Variants in CSGALNACT1 observed in about 807,000 individuals in gnomAD.
The protein encoded by CSGALNACT1 is beta4GalNAcT-1.
CSGALNACT1 carries 52 observed loss-of-function variants against 51.0 expected under a neutral mutation model. The ratio of observed to expected loss-of-function variants is 1.02; its 90% CI spans 0.82 to 1.29. The LOEUF (loss-of-function observed/expected upper bound fraction) is 1.29, where lower values mean the gene tolerates loss of function less well. Among genes scored for constraint, CSGALNACT1 ranks in the 50% most tolerant of loss-of-function variants. The probability of loss-of-function intolerance (pLI) is 0.00; values close to 1 mark genes in which losing one functional copy is unlikely to be tolerated. For missense variants in CSGALNACT1, 935 were observed against 679.2 expected, an observed-to-expected ratio of 1.38 and a Z score of -4.19; for synonymous variants, 341 against 254.4, an observed-to-expected ratio of 1.34 and a Z score of -3.24.
intron 6 of CSGALNACT1, among the ~76,000 whole-genome samples, chr8:19,424,388 A>G (rs80310892): frequency 0.015 from 2,341 of 152,180 alleles, 53 homozygotes; most frequent in African/African-American, 0.054. Flanking sequence ...CTTTTTTCCA[A>G]TAAACCAGTG....
At chr8:19,568,089 T>C (rs1229526449) in intron 3 of CSGALNACT1, among the ~76,000 whole-genome samples, 1 of 152,178 alleles carries the variant, frequency 6.6e-6, no homozygotes, top group Non-Finnish European at 1.5e-5. Flanking sequence ...CATTGGTTTT[T>C]GCAATGTAGA....
At chr8:19,674,349 G>A (rs1414935237) in intron 1 of CSGALNACT1, among the ~76,000 whole-genome samples, 1 of 152,106 alleles carries the variant, frequency 6.6e-6, no homozygotes, top group African/African-American at 2.4e-5. Flanking sequence ...CACAATAAGA[G>A]GGGATCAAGA....
At chr8:19,571,716 A>G (rs768101170) in intron 3 of CSGALNACT1, among the ~76,000 whole-genome samples, 3 of 152,222 alleles carry the variant, frequency 2.0e-5, no homozygotes, top group Admixed American at 6.5e-5. Context: ...AGCCCACTGA[A>G]AAATGGCCTC....
intron 6 of CSGALNACT1, among the ~76,000 whole-genome samples, chr8:19,422,754 C>T (rs1218539580): frequency 1.1e-4 from 17 of 152,194 alleles, no homozygotes; most frequent in Admixed American, 1.1e-3. Context: ...GAGGTGTCTG[C>T]AGCCCCAGCT....
chr8:19,608,324 A>G (rs2051695188), intron 1 of CSGALNACT1, among the ~76,000 whole-genome samples: 1 of 152,136 alleles, frequency 6.6e-6, no homozygotes, highest in African/African-American at 2.4e-5. Flanking sequence ...CAACACAACA[A>G]TGGAAGTAGC....
chr8:19,662,210 C>G (rs1391328083), intron 1 of CSGALNACT1, among the ~76,000 whole-genome samples: 4 of 151,418 alleles, frequency 2.6e-5, no homozygotes, highest in Admixed American at 6.6e-5. Flanking sequence ...ATGGTGAAAC[C>G]CCATCTCCAC....
intron 3 of CSGALNACT1, among the ~76,000 whole-genome samples, chr8:19,524,427 C>T (rs1006279874): frequency 3.3e-5 from 5 of 152,090 alleles, no homozygotes; most frequent in Admixed American, 6.5e-5. Context: ...TCAACCATGC[C>T]TAATTTTTTT....
At chr8:19,681,687 G>C (rs1268012418) in intron 1 of CSGALNACT1, among the ~76,000 whole-genome samples, 1 of 152,200 alleles carries the variant, frequency 6.6e-6, no homozygotes, top group African/African-American at 2.4e-5. Flanking sequence ...ATCTGGCCTG[G>C]ATGTGCTTCC....
At chr8:19,598,457 C>T (rs2154140863) in intron 2 of CSGALNACT1, among the ~76,000 whole-genome samples, 1 of 152,210 alleles carries the variant, frequency 6.6e-6, no homozygotes, top group East Asian at 1.9e-4. Flanking sequence ...AGGAAGGCCA[C>T]TTTATAAAAT....
intron 1 of CSGALNACT1, among the ~76,000 whole-genome samples, chr8:19,615,063 A>AC (rs1386653119): frequency 6.6e-6 from 1 of 152,196 alleles, no homozygotes; most frequent in African/African-American, 2.4e-5. Flanking sequence ...ATATCAACAC[A>AC]CTTTGGGAGG....
chr8:19,426,249 C>T (rs2058757254), intron 6 of CSGALNACT1, among the ~76,000 whole-genome samples: 1 of 152,186 alleles, frequency 6.6e-6, no homozygotes, highest in Non-Finnish European at 1.5e-5. Context: ...AAGCTCAGCC[C>T]ACTCAGATGG....
intron 4 of CSGALNACT1, among the ~76,000 whole-genome samples, chr8:19,504,776 C>G (rs2076997702): frequency 6.6e-6 from 1 of 152,146 alleles, no homozygotes; most frequent in South Asian, 2.1e-4. Context: ...CTAATGGGGT[C>G]ATTTCATGGG....
chr8:19,404,658 C>T (rs559907777), exon 10 of CSGALNACT1: 7 of 451,802 alleles, frequency 1.5e-5, no homozygotes, highest in Admixed American at 9.4e-5. Context: ...AAGCCAGAAG[C>T]CAGGAGGAGC....
At chr8:19,578,443 G>A (rs188733902) in intron 3 of CSGALNACT1, among the ~76,000 whole-genome samples, 1 of 152,240 alleles carries the variant, frequency 6.6e-6, no homozygotes, top group Non-Finnish European at 1.5e-5. Context: ...AGCCTCTCTT[G>A]CGTGTGGAGT....
At chr8:19,499,559 G>A (rs1401902981) in intron 4 of CSGALNACT1, among the ~76,000 whole-genome samples, 3 of 152,136 alleles carry the variant, frequency 2.0e-5, no homozygotes, top group Middle Eastern at 3.2e-3. Flanking sequence ...ACAACACAAG[G>A]CCTGATTTGC....
intron 3 of CSGALNACT1, among the ~76,000 whole-genome samples, chr8:19,522,956 T>C (rs1232451438): frequency 1.3e-5 from 2 of 152,196 alleles, no homozygotes; most frequent in Admixed American, 1.3e-4. Context: ...TCCTGACATA[T>C]AACAAGGCTC....
chr8:19,652,905 C>T lies in CSGALNACT1; in HGVS notation c.-544+29568G>A, dbSNP rs17128795. 2.2e-3 allele frequency among the ~76,000 whole-genome samples: 339 copies of T among 152,320 alleles called. 5 individuals carry two copies. The South Asian group carries it at 0.048, about 22-fold the overall frequency. The stretch of plus-strand genomic sequence containing the variant: ...GCCCAGCTTCTATTGACTAGGATCT[C>T]TGTGGCCTTCCAGCTTTCCTTACAC... On this transcript the variant is annotated intron_variant, in intron 1 of 9. Transcript: ENST00000332246.
chr8:19,463,738 G>A lies in CSGALNACT1; in HGVS notation c.635-5096C>T, dbSNP rs111666762. Among the ~76,000 whole-genome samples the A allele has an allele frequency of 8.7e-4, 133 of 152,296 alleles. 3 individuals are homozygous for A. The highest frequency in any genetic ancestry group is 3.1e-3 in the African/African-American group (128 of 41,564). ...TAAACACCCTACCTGGCACCTCCGT[G>A]TCTTTCCTCCCTTCCATAAATGCTA... On this transcript the variant is annotated intron_variant, in intron 4 of 9. Coordinates refer to ENST00000454498, the Ensembl canonical transcript of CSGALNACT1.
At chr8:19,632,399 A>T (rs2154170666) in intron 1 of CSGALNACT1, among the ~76,000 whole-genome samples, 2 of 152,398 alleles carry the variant, frequency 1.3e-5, no homozygotes, top group Middle Eastern at 6.8e-3. Context: ...AAAGCTTTGG[A>T]AATAGTCCAT....
Sources: gnomAD v4.1 joint callset for allele counts (sites outside exome capture counted in the v4.1 genomes callset) on GRCh38, gnomAD v4.1.1 for gene constraint, MANE v1.5 for transcripts, NCBI Gene and HGNC (gene_info 2026-07-23, HGNC 2026-07-21) for gene names.